Variants in MYL3 observed in about 807,000 individuals in gnomAD.
MYL3 encodes the protein CMLC1.
A neutral mutation model predicts 21.3 loss-of-function variants in MYL3; 11 were observed. The observed-to-expected ratio is 0.52, with a 90% CI of 0.32 to 0.85. The LOEUF (loss-of-function observed/expected upper bound fraction) is 0.85, where lower values mean the gene tolerates loss of function less well. Among genes scored for constraint, MYL3 ranks in the 40% least tolerant of loss-of-function variants. The pLI is 0.03. For synonymous variants in MYL3, 88 were observed against 91.6 expected, an observed-to-expected ratio of 0.96 and a Z score of 0.22; for missense variants, 206 against 253.3, an observed-to-expected ratio of 0.81 and a Z score of 1.27.
At chr3:46,862,389 C>A (rs962370879) in intron 1 of MYL3, among the ~76,000 whole-genome samples, 1 of 152,192 alleles carries the variant, frequency 6.6e-6, no homozygotes, top group Non-Finnish European at 1.5e-5. Flanking sequence ...GGATTTGAAC[C>A]CTTGCCTCAA....
chr3:46,876,615 A>G (rs1458575235), intron 1 of MYL3, among the ~76,000 whole-genome samples: 1 of 152,200 alleles, frequency 6.6e-6, no homozygotes, highest in Non-Finnish European at 1.5e-5. Flanking sequence ...AACAAAAAGT[A>G]CTTTGGAAAC....
chr3:46,868,380 C>T (rs1702069696), upstream of MYL3, among the ~76,000 whole-genome samples: 1 of 152,224 alleles, frequency 6.6e-6, no homozygotes, highest in Admixed American at 6.5e-5. Context: ...ACAGACAACT[C>T]TGTCCTCGAG....
At chr3:46,863,195 C>T in intron 1 of MYL3, 67 bp downstream of exon 1, 1 of 1,608,330 alleles carries the variant, frequency 6.2e-7, no homozygotes, top group Non-Finnish European at 8.5e-7. Flanking sequence ...CTGCCTCTTG[C>T]TAGGTCCACT....
upstream of MYL3, among the ~76,000 whole-genome samples, chr3:46,863,777 A>G (rs1456163356): frequency 6.6e-6 from 1 of 152,166 alleles, no homozygotes; most frequent in Non-Finnish European, 1.5e-5. Context: ...CGTAAGTTGA[A>G]GAGGTGAAGA....
chr3:46,863,652 G>A (rs1224209852), upstream of MYL3, among the ~76,000 whole-genome samples: 2 of 152,114 alleles, frequency 1.3e-5, no homozygotes, highest in East Asian at 3.9e-4. Context: ...TTGGGAAGGG[G>A]GAGGGAGAGA....
chr3:46,870,721 A>G (rs1283735751), intron 1 of MYL3, among the ~76,000 whole-genome samples: 1 of 152,084 alleles, frequency 6.6e-6, no homozygotes, highest in Non-Finnish European at 1.5e-5. Context: ...AGGCAGGCTA[A>G]CCCACCCCTG....
At chr3:46,858,503 G>A in intron 4 of MYL3, 42 bp from the exon 5 acceptor site, 1 of 1,588,838 alleles carries the variant, frequency 6.3e-7, no homozygotes, top group Non-Finnish European at 8.6e-7. Context: ...TGCGTGCAGA[G>A]GCATGATGGG....
In MYL3 at chr3:46,858,238, C is replaced by A; in HGVS notation, c.*6G>T. ...GAGGGAGTGGGTGCCTACCTGGGCA[C>A]GAGGTTTAGCTGGACATGATGTGCT... On this transcript the variant is annotated 3_prime_UTR_variant, in exon 6 of 7. Coordinates refer to ENST00000292327, the MANE Select transcript of MYL3 (RefSeq NM_000258.3). 6.2e-7 allele frequency: 1 copy of A among 1,614,028 alleles called. No individual in the cohort carries two copies. Among genetic ancestry groups the A allele is most frequent in the Non-Finnish European group, 8.5e-7 (1 of 1,179,996 alleles).
chr3:46,858,894 C>T (rs1407560760), intron 4 of MYL3, among the ~76,000 whole-genome samples: 2 of 152,146 alleles, frequency 1.3e-5, no homozygotes, highest in Non-Finnish European at 2.9e-5. Context: ...GGCCCCCCTT[C>T]AAAATGCCAG....
rs929828294 is a variant in MYL3 at position 46,869,892 on chromosome 3, G to A, written c.-217-3292C>T. Among the ~76,000 whole-genome samples the A allele has an allele frequency of 6.6e-5, 10 of 152,316 alleles. No homozygotes were observed. The South Asian group carries it at 1.0e-3, about 16-fold the overall frequency. ...GAGTGGTTGTTTGAGTGGATGGACC[G>A]ACTGTCTCAGGCAAACAGTTCACAC... On this transcript the variant is annotated intron_variant, in intron 1 of 3. Coordinates refer to the MYL3 transcript ENST00000431168.
chr3:46,882,060 T>C lies in MYL3; in HGVS notation c.-218+14A>G, dbSNP rs1012354461. On this transcript the variant is annotated intron_variant, in intron 1 of 3. Coordinates refer to the MYL3 transcript ENST00000431168. This position sits in a 1 kb window ranked among gnomAD's most constrained non-coding sequence, Gnocchi z 4.3. ...ATGTTACAGCTGCCCCCGCCCCGTC[T>C]CCCCAGCACTCACATCCCGCCGCCG... 1 of 151,722 alleles carries C rather than the reference T, an allele frequency of 6.6e-6. No homozygotes were observed. The allele number at this position is 151,722 out of a possible 1,614,324, so 9.4% of individuals were successfully genotyped here. A position where few individuals can be genotyped will look rare whatever the true frequency, so the allele number is the denominator to read the frequency against.
intron 1 of MYL3, among the ~76,000 whole-genome samples, chr3:46,871,046 A>G (rs1384524360): frequency 6.6e-6 from 1 of 152,226 alleles, no homozygotes; most frequent in African/African-American, 2.4e-5. Flanking sequence ...ACTTTTGCAC[A>G]CATGTATACA....
chr3:46,878,681 T>C (rs2030377862), intron 1 of MYL3, among the ~76,000 whole-genome samples: 1 of 152,172 alleles, frequency 6.6e-6, no homozygotes, highest in Admixed American at 6.5e-5. Context: ...GCCTTGCTTG[T>C]TGGTGTCTGA....
At chr3:46,871,792 C>T (rs190822930) in intron 1 of MYL3, among the ~76,000 whole-genome samples, 88 of 152,336 alleles carry the variant, frequency 5.8e-4, no homozygotes, top group Middle Eastern at 3.4e-3. Flanking sequence ...GAGCCTCATG[C>T]GGTTTTAGAG....
rs2030411350 is a variant in MYL3 at position 46,879,263 on chromosome 3, A to T, written c.-218+2811T>A. On this transcript the variant is annotated intron_variant, in intron 1 of 3. Coordinates refer to the MYL3 transcript ENST00000431168. This position sits in a 1 kb window ranked among gnomAD's most constrained non-coding sequence, Gnocchi z 4.7. The stretch of plus-strand genomic sequence containing the variant: ...GCCCACCCTCATCCTCCCAAGTACA[A>T]GTAGTATGTTTCCAAATCTCAAGTT... 6.6e-6 allele frequency among the ~76,000 whole-genome samples: 1 copy of T among 152,158 alleles called. No individual in the cohort carries two copies. The highest frequency in any genetic ancestry group is 2.1e-4 in the South Asian group (1 of 4,826).
chr3:46,871,864 G>C (rs1237725105), intron 1 of MYL3, among the ~76,000 whole-genome samples: 1 of 152,212 alleles, frequency 6.6e-6, no homozygotes, highest in Non-Finnish European at 1.5e-5. Context: ...ATGAGAAACT[G>C]TTCTGGGAGG....
chr3:46,870,703 C>T (rs1222131313), intron 1 of MYL3, among the ~76,000 whole-genome samples: 2 of 152,162 alleles, frequency 1.3e-5, no homozygotes, highest in African/African-American at 4.8e-5. Flanking sequence ...CACACACGCA[C>T]TATCCCCAGG....
At chr3:46,870,500 C>T (rs536687697) in intron 1 of MYL3, among the ~76,000 whole-genome samples, 9 of 152,180 alleles carry the variant, frequency 5.9e-5, no homozygotes, top group African/African-American at 2.2e-4. Context: ...CCAGGGCTCT[C>T]CCCACTCTGC....
chr3:46,866,743 C>T (rs1354535083), upstream of MYL3: 1 of 152,314 alleles, frequency 6.6e-6, no homozygotes, highest in African/African-American at 2.4e-5. Flanking sequence ...GATTTGCCAA[C>T]TGACTGACAG....
Sources: gnomAD v4.1 joint callset for allele counts (sites outside exome capture counted in the v4.1 genomes callset) on GRCh38, gnomAD v4.1.1 for gene constraint, Gnocchi (gnomAD v3.1) non-coding constraint, MANE v1.5 for transcripts, NCBI Gene and HGNC (gene_info 2026-07-23, HGNC 2026-07-21) for gene names.